The following MMP17 variants were observed in gnomAD, a reference collection of about 807,000 sequenced individuals.
MMP17 encodes matrix metalloproteinase-17.
Under a neutral mutation model 49.1 loss-of-function variants are expected in MMP17, and 54 were observed. The observed-to-expected ratio is 1.10, with a 90% CI of 0.88 to 1.38. The LOEUF (loss-of-function observed/expected upper bound fraction) is 1.38. Among genes scored for constraint, MMP17 ranks in the 40% most tolerant of loss-of-function variants. The pLI, the probability that MMP17 is intolerant of heterozygous loss-of-function variation, is 0.00. For missense variants in MMP17, 837 were observed against 853.7 expected (o/e 0.98, Z 0.24); for synonymous variants, 397 against 383.1 (o/e 1.04, Z -0.42).
At chr12:131,837,990 G>A (rs1225975554) in intron 1 of MMP17, 15 of 540,702 alleles carry the variant, frequency 2.8e-5, no homozygotes, top group Non-Finnish European at 3.4e-5. Flanking sequence ...GATTACAGGC[G>A]TGAGCCACAG....
rs143699569 is a variant in MMP17 at position 131,840,610 on chromosome 12, G to T, written c.460G>T (p.Asp154Tyr). 3.1e-6 allele frequency: 5 copies of T among 1,603,378 alleles called. No individual in the cohort carries two copies. The highest frequency in any genetic ancestry group is 4.3e-6 in the Non-Finnish European group (5 of 1,175,426). Residue 154 changes from aspartate (D) to tyrosine (Y), a missense_variant, in exon 4 of 10, where the codon GAC (aspartate) becomes TAC (tyrosine). Physicochemically the swap from Asp to Tyr is radical, Grantham distance 160. Transcript: ENST00000360564. Reference sequence around the variant, plus strand: ...CCCACGGGACTCACCACTGGGGCACGACACGGTGCGTGCACTCATGTACTA... The same window carrying T: ...CCCACGGGACTCACCACTGGGGCACTACACGGTGCGTGCACTCATGTACTA... ...TFPRDSPLGH[D>Y]TVRALMYYAL...
intron 1 of MMP17, among the ~76,000 whole-genome samples, chr12:131,834,126 C>G (rs758211668): frequency 2.6e-5 from 4 of 152,212 alleles, no homozygotes; most frequent in Non-Finnish European, 4.4e-5. Flanking sequence ...GGCTCTGCCT[C>G]TGGCCTCTGT....
intron 1 of MMP17, among the ~76,000 whole-genome samples, chr12:131,829,813 G>C (rs1294721615): frequency 6.6e-6 from 1 of 152,258 alleles, no homozygotes; most frequent in African/African-American, 2.4e-5. Flanking sequence ...ATGGGAAGCC[G>C]ATTTGGCCAC....
In MMP17 at chr12:131,846,348, GGT is replaced by G. The variant is rs1318165297; in HGVS notation, c.1204+900_1204+901del. 6.6e-6 allele frequency among the ~76,000 whole-genome samples: 1 copy of G among 152,018 alleles called. No homozygotes were observed. The highest frequency in any genetic ancestry group is 1.5e-5 in the Non-Finnish European group (1 of 68,004). On this transcript the variant is annotated intron_variant, in intron 8 of 9. Coordinates refer to ENST00000360564, the MANE Select transcript of MMP17 (RefSeq NM_016155.7). The surrounding 1 kb of genome is among the most constrained non-coding windows in gnomAD (Gnocchi z 4.6). ...TATAAGGAAGCCGGGCCTTGATTCA[GGT>G]CCCCTAGTCCTGTTTGTTTTTTGTT... is the stretch of plus-strand genomic sequence containing the variant.
intron 6 of MMP17, 103 bp from the exon 7 acceptor site, chr12:131,845,015 G>A (rs1456070435): frequency 8.4e-7 from 1 of 1,186,676 alleles, no homozygotes; most frequent in African/African-American, 1.5e-5. Context: ...TCCACACAAG[G>A]ATGCCTGTCC....
In MMP17 at chr12:131,828,568, T is replaced by TGCCGCC; in HGVS notation, c.76_77insCGCCGC (p.Leu25_Leu26insProPro). On this transcript the variant is annotated inframe_insertion, in exon 1 of 10. Transcript: ENST00000360564. The stretch of plus-strand genomic sequence containing the variant: ...GGACTCTCGCGGCTGCCGCTGCCGC[T>TGCCGCC]GCTGCTGCTGCTGGCGCTGGGGACC... 3 of 184,674 alleles carry TGCCGCC rather than the reference T, an allele frequency of 1.6e-5. No homozygotes were observed. Among genetic ancestry groups the TGCCGCC allele is most frequent in the East Asian group, 1.9e-4 (1 of 5,194 alleles). The allele number at this position is 184,674 out of a possible 1,614,324, so 11.4% of individuals were successfully genotyped here.
At chr12:131,840,431 T>A in intron 3 of MMP17, 142 bp from the exon 4 acceptor site, 2 of 863,472 alleles carry the variant, frequency 2.3e-6, no homozygotes, top group East Asian at 2.5e-5. Context: ...ATCGGATGAC[T>A]CCTGGCGTGG....
chr12:131,833,997 G>T (rs959189906), intron 1 of MMP17, among the ~76,000 whole-genome samples: 3 of 152,246 alleles, frequency 2.0e-5, no homozygotes, highest in Non-Finnish European at 2.9e-5. Context: ...GATACGCATT[G>T]TGTCAGACAA....
intron 8 of MMP17, among the ~76,000 whole-genome samples, chr12:131,848,569 C>T (rs1387508789): frequency 2.0e-5 from 3 of 152,144 alleles, no homozygotes; most frequent in Non-Finnish European, 4.4e-5. Context: ...ACGGATGCCC[C>T]GCCCCGCCCC....
intron 3 of MMP17, among the ~76,000 whole-genome samples, chr12:131,839,578 A>G (rs762361704): frequency 3.3e-5 from 5 of 152,046 alleles, no homozygotes; most frequent in Non-Finnish European, 7.4e-5. Context: ...GGTTCAAGCA[A>G]TTCTCCTGCC....
chr12:131,845,170 C>G lies in MMP17; in HGVS notation c.1021C>G (p.Gln341Glu). Residue 341 changes from glutamine to glutamate, a missense_variant, in exon 7 of 10, where the codon CAG becomes GAG. By Grantham distance (29) the Gln-to-Glu change is conservative. Transcript: ENST00000360564. ...CAGCACTCACTTTGACGCGGTGGCCCAGATCCGGGGTGAAGCTTTCTTCTT... is the reference window on the plus strand; with the variant it reads ...CAGCACTCACTTTGACGCGGTGGCCGAGATCCGGGGTGAAGCTTTCTTCTT... ...RCSTHFDAVA[Q>E]IRGEAFFFKG... 1 of 1,614,056 alleles carries G rather than the reference C, an allele frequency of 6.2e-7. No homozygotes were observed. The highest frequency in any genetic ancestry group is 8.5e-7 in the Non-Finnish European group (1 of 1,179,930).
At chr12:131,837,794 T>C (rs1034212801) in intron 1 of MMP17, among the ~76,000 whole-genome samples, 2 of 152,168 alleles carry the variant, frequency 1.3e-5, no homozygotes, top group Admixed American at 6.5e-5. Flanking sequence ...CACTGCAAGC[T>C]CCGCCTCCTG....
At chr12:131,840,399 C>T in intron 3 of MMP17, 174 bp from the exon 4 acceptor site, 3 of 630,876 alleles carry the variant, frequency 4.8e-6, no homozygotes, top group Non-Finnish European at 8.0e-6. Context: ...TCCCAGTGAA[C>T]TACTGGAACC....
intron 8 of MMP17, among the ~76,000 whole-genome samples, chr12:131,847,277 G>C (rs1887757078): frequency 1.3e-5 from 2 of 151,876 alleles, no homozygotes; most frequent in South Asian, 4.2e-4. Context: ...GCCGGGCGTG[G>C]TGGCGGGCAC....
At chr12:131,830,739 G>T (rs1180429545) in intron 1 of MMP17, among the ~76,000 whole-genome samples, 1 of 152,198 alleles carries the variant, frequency 6.6e-6, no homozygotes, top group Non-Finnish European at 1.5e-5. Context: ...CAGGGCTGGA[G>T]CCGGGGCTGG....
At chr12:131,845,522 C>T (rs1887664296) in intron 8 of MMP17, 73 bp downstream of exon 8, 5 of 1,482,294 alleles carry the variant, frequency 3.4e-6, no homozygotes, top group Non-Finnish European at 4.5e-6. Flanking sequence ...CGGAGAGGGT[C>T]CAGCCTGCGT....
At chr12:131,849,625 A>G (rs1490678516) in intron 8 of MMP17, among the ~76,000 whole-genome samples, 177 bp from the exon 9 acceptor site, 2 of 152,164 alleles carry the variant, frequency 1.3e-5, no homozygotes, top group African/African-American at 4.8e-5. Flanking sequence ...GTAGGTGCTC[A>G]CTAAGTATCC....
Position 131,838,233 on chromosome 12 carries a change from C to T in MMP17, c.198C>T (p.Asp66=). Residue 66 remains aspartate (D), a synonymous_variant, in exon 2 of 10, where the codon GAC becomes GAT. Coordinates refer to ENST00000360564, the MANE Select transcript of MMP17 (RefSeq NM_016155.7). ...GGTTCGGTTACCTGCCCCCGGCTGA[C>T]CCCACAACAGGGCAGCTGCAGACGC... ...LSRFGYLPPA[D]PTTGQLQTQE... The T allele has an allele frequency of 3.1e-6, 5 of 1,613,160 alleles. No homozygotes were observed. Among genetic ancestry groups the T allele is most frequent in the Non-Finnish European group, 4.2e-6 (5 of 1,179,940 alleles).
In MMP17 at chr12:131,845,419, A is replaced by G. The variant is rs774317644; in HGVS notation, c.1174A>G (p.Thr392Ala). 8 of 1,578,012 alleles carry G rather than the reference A, an allele frequency of 5.1e-6. No individual in the cohort carries two copies. The highest frequency in any genetic ancestry group is 5.2e-6 in the Non-Finnish European group (6 of 1,164,064). Residue 392 changes from threonine (T) to alanine (A), a missense_variant, in exon 8 of 10, where the codon ACC (threonine) becomes GCC (alanine). Physicochemically the swap from Thr to Ala is moderately conservative, Grantham distance 58. Transcript: ENST00000360564. ...LDSVDAVYERTSDHKIVFFKG... is the reference protein window; with the variant it reads ...LDSVDAVYERASDHKIVFFKG... ...CAGCGTGGACGCCGTGTACGAGCGCACCAGCGACCACAAGATCGTCTTCTT... is the reference window on the plus strand; with the variant it reads ...CAGCGTGGACGCCGTGTACGAGCGCGCCAGCGACCACAAGATCGTCTTCTT...
Sources: gnomAD v4.1 joint callset for allele counts (sites outside exome capture counted in the v4.1 genomes callset) on GRCh38, gnomAD v4.1.1 for gene constraint, Gnocchi (gnomAD v3.1) non-coding constraint, MANE v1.5 for transcripts, NCBI Gene and HGNC (gene_info 2026-07-23, HGNC 2026-07-21) for gene names.